Variants in ZNF823 observed in about 807,000 individuals in gnomAD.
ZNF823 encodes the protein zinc finger protein 823, also known as ZFP 36 for a zinc finger protein.
A neutral mutation model predicts 11.4 loss-of-function variants in ZNF823; 5 were observed. The observed-to-expected ratio is 0.44, with a 90% confidence interval of 0.23 to 0.92. The LOEUF (loss-of-function observed/expected upper bound fraction) is 0.92. Ranked by LOEUF, ZNF823 falls within the 40% of genes least tolerant of loss-of-function variation. ZNF823 has a pLI of 0.24. For synonymous variants in ZNF823, 234 were observed against 250.5 expected, an observed-to-expected ratio of 0.93 and a Z score of 0.62; for missense variants, 582 against 738.5, an observed-to-expected ratio of 0.79 and a Z score of 2.46.
chr19:11,736,627 C>A (rs1974997491), intron 1 of ZNF823, among the ~76,000 whole-genome samples: 1 of 152,208 alleles, frequency 6.6e-6, no homozygotes, highest in South Asian at 2.1e-4. Context: ...ACTTTATCTT[C>A]TTTATTAAGC....
intron 1 of ZNF823, among the ~76,000 whole-genome samples, chr19:11,732,166 TCCC>T (rs1487482906): frequency 2.2e-5 from 3 of 138,882 alleles, no homozygotes; most frequent in African/African-American, 5.1e-5. Flanking sequence ...GTTAAAGGTT[TCCC>T]TTTTTTTTTT....
chr19:11,727,703 G>A (rs1380233670), intron 1 of ZNF823, among the ~76,000 whole-genome samples: 2 of 152,144 alleles, frequency 1.3e-5, no homozygotes, highest in Non-Finnish European at 2.9e-5. Context: ...AAGCTTTGTG[G>A]AGTTTTTATT....
rs771145851 is a variant in ZNF823 at position 11,722,946 on chromosome 19, C to A, written c.588G>T (p.Leu196Phe). The change falls in exon 4 of 4, where the codon TTG (leucine) becomes TTT (phenylalanine). Residue 196 changes from leucine to phenylalanine, a missense_variant. By Grantham distance (22) the Leu-to-Phe change is conservative. This residue lies in a region of ZNF823 where 429 missense variants were observed against 553.7 expected (regional missense o/e 0.77). Coordinates refer to ENST00000341191, the MANE Select transcript of ZNF823 (RefSeq NM_001080493.4). This position sits in a 1 kb window ranked among gnomAD's most constrained non-coding sequence, Gnocchi z 5.2. Reference protein sequence around the residue: ...HHGDGPYKCKLCGKAFVWPSL... With the variant: ...HHGDGPYKCKFCGKAFVWPSL... ...TGGGCCAAACAAAGGCTTTCCCACACAACTTACATTTATAAGGTCCATCTC... is the reference window on the plus strand; with the variant it reads ...TGGGCCAAACAAAGGCTTTCCCACAAAACTTACATTTATAAGGTCCATCTC... 1.9e-6 allele frequency: 3 copies of A among 1,614,214 alleles called. No homozygotes were observed. Among genetic ancestry groups the A allele is most frequent in the South Asian group, 1.1e-5 (1 of 91,088 alleles).
rs749532730 is a variant in ZNF823 at position 11,721,486 on chromosome 19, T to C, written c.*215A>G. The C allele has an allele frequency of 7.6e-6, 4 of 528,274 alleles. No homozygotes were observed. Among genetic ancestry groups the C allele is most frequent in the Non-Finnish European group, 1.3e-5 (4 of 300,490 alleles). The allele number at this position is 528,274 out of a possible 1,614,324, so 32.7% of individuals were successfully genotyped here. On this transcript the variant is annotated 3_prime_UTR_variant, in exon 4 of 4. Transcript: ENST00000341191. ...TACTGGAAGATATGCATAGGTTACA[T>C]GCAAATATGCCATATAACAAAGGAC... is the stretch of plus-strand genomic sequence containing the variant.
intron 1 of ZNF823, among the ~76,000 whole-genome samples, chr19:11,734,682 C>T (rs369257760): frequency 6.6e-6 from 1 of 152,084 alleles, no homozygotes; most frequent in South Asian, 2.1e-4. Flanking sequence ...GGACTATAGG[C>T]GTGTGCCACC....
At chr19:11,727,932 G>A (rs1185744374) in intron 1 of ZNF823, among the ~76,000 whole-genome samples, 2 of 126,280 alleles carry the variant, frequency 1.6e-5, no homozygotes, top group African/African-American at 3.1e-5. Flanking sequence ...CTGTAGCCCA[G>A]GCTGGAGTTC....
At chr19:11,738,696 G>T in intron 1 of ZNF823, 121 bp downstream of exon 1, 1 of 1,298,630 alleles carries the variant, frequency 7.7e-7, no homozygotes, top group Non-Finnish European at 1.0e-6. Context: ...TGCGCCAGGG[G>T]CACTGGGATT....
chr19:11,722,859 A>G lies in ZNF823; in HGVS notation c.675T>C (p.Cys225=). ...TGEKPYECKQ[C]SKAFPFYSSY... is the part of the protein sequence containing the mutation. Reference sequence around the variant, plus strand: ...AACTGTAAAAAGGAAAGGCTTTAGAACACTGCTTACATTCATACGGTTTCT... The same window carrying G: ...AACTGTAAAAAGGAAAGGCTTTAGAGCACTGCTTACATTCATACGGTTTCT... Residue 225 remains cysteine (C), a synonymous_variant, in exon 4 of 4, where the codon TGT becomes TGC. Coordinates refer to ENST00000341191, the MANE Select transcript of ZNF823 (RefSeq NM_001080493.4). The surrounding 1 kb of genome is among the most constrained non-coding windows in gnomAD (Gnocchi z 5.2). The G allele has an allele frequency of 6.2e-7, 1 of 1,614,082 alleles. No homozygotes were observed. Among genetic ancestry groups the G allele is most frequent in the Non-Finnish European group, 8.5e-7 (1 of 1,180,006 alleles).
intron 1 of ZNF823, among the ~76,000 whole-genome samples, chr19:11,737,507 C>T (rs531826925): frequency 2.8e-4 from 42 of 151,900 alleles, no homozygotes; most frequent in African/African-American, 9.9e-4. Flanking sequence ...GGTGATCCGC[C>T]AGCCTTAGCC....
Position 11,721,668 on chromosome 19 carries a change from A to T in ZNF823, c.*33T>A, listed in dbSNP as rs141556874. On this transcript the variant is annotated 3_prime_UTR_variant, in exon 4 of 4. Coordinates refer to ENST00000341191, the MANE Select transcript of ZNF823 (RefSeq NM_001080493.4). ...TGAGTTCTTTCAAGTTTCTGAAATTAAAGTACTGAATGTTTTCCCACATTC... is the reference window on the plus strand; with the variant it reads ...TGAGTTCTTTCAAGTTTCTGAAATTTAAGTACTGAATGTTTTCCCACATTC... 1.2e-5 allele frequency: 18 copies of T among 1,552,792 alleles called. No homozygotes were observed. In the East Asian group the frequency reaches 3.8e-4, roughly 33 times the overall value.
intron 1 of ZNF823, chr19:11,726,148 T>C (rs1974786601): frequency 6.7e-6 from 1 of 148,392 alleles, no homozygotes; most frequent in African/African-American, 2.5e-5. Context: ...GATGCTGAGG[T>C]GAGAGGATCA....
At chr19:11,734,471 T>C (rs1450119198) in intron 1 of ZNF823, among the ~76,000 whole-genome samples, 5 of 152,168 alleles carry the variant, frequency 3.3e-5, no homozygotes, top group African/African-American at 4.8e-5. Flanking sequence ...ACAAAATTAA[T>C]GTAGAGCAAA....
chr19:11,732,166 T>TC (rs745331351), intron 1 of ZNF823, among the ~76,000 whole-genome samples: 2 of 138,882 alleles, frequency 1.4e-5, no homozygotes, highest in East Asian at 2.2e-4. Context: ...GTTAAAGGTT[T>TC]CCCTTTTTTT....
chr19:11,724,970 TA>T (rs1432563798), intron 2 of ZNF823, among the ~76,000 whole-genome samples: 3 of 152,182 alleles, frequency 2.0e-5, no homozygotes, highest in Admixed American at 2.0e-4. Flanking sequence ...ATCTAATGTT[TA>T]TGTTATCCAT....
At chr19:11,736,977 A>G (rs1017661037) in intron 1 of ZNF823, among the ~76,000 whole-genome samples, 30 of 152,002 alleles carry the variant, frequency 2.0e-4, no homozygotes, top group African/African-American at 7.0e-4. Flanking sequence ...AACTCCTCCC[A>G]CCCCACGACA....
At chr19:11,727,892 CT>C (rs60028045) in intron 1 of ZNF823, among the ~76,000 whole-genome samples, 95 of 145,716 alleles carry the variant, frequency 6.5e-4, no homozygotes, top group African/African-American at 5.8e-4. Flanking sequence ...TTCTTTCTTT[CT>C]TTTTTTTTTT....
chr19:11,736,281 C>A (rs1974991217), intron 1 of ZNF823, among the ~76,000 whole-genome samples: 1 of 152,210 alleles, frequency 6.6e-6, no homozygotes, highest in Non-Finnish European at 1.5e-5. Context: ...GTTTGGGAGG[C>A]CAAGGCAGGT....
chr19:11,723,285 A>G lies in ZNF823; in HGVS notation c.249T>C (p.Ile83=), dbSNP rs1974729634. 4 of 1,613,842 alleles carry G rather than the reference A, an allele frequency of 2.5e-6. No homozygotes were observed. In the East Asian group the frequency reaches 8.9e-5, roughly 36 times the overall value. ...DSQCGETFGQ[I]PDSIVNKNTP... ...TGTTCTTGTTCACAATACTATCTGGAATCTGGCCAAAAGTTTCTCCACATT... is the reference window on the plus strand; with the variant it reads ...TGTTCTTGTTCACAATACTATCTGGGATCTGGCCAAAAGTTTCTCCACATT... The change falls in exon 4 of 4, where the codon ATT becomes ATC. Residue 83 remains isoleucine (I), a synonymous_variant. Transcript: ENST00000341191.
At chr19:11,726,073 C>CAAAAAAAAA (rs4052622) in intron 1 of ZNF823, 4 of 84,696 alleles carry the variant, frequency 4.7e-5, no homozygotes, top group Non-Finnish European at 9.9e-5. Context: ...ATAAAAAATA[C>CAAAAAAAAA]AAAAAAAAAA....
Sources: gnomAD v4.1 joint callset for allele counts (sites outside exome capture counted in the v4.1 genomes callset) on GRCh38, gnomAD v4.1.1 for gene constraint, gnomAD v4.1.1 regional missense constraint, Gnocchi (gnomAD v3.1) non-coding constraint, MANE v1.5 for transcripts, NCBI Gene and HGNC (gene_info 2026-07-23, HGNC 2026-07-21) for gene names.